The following LRRC1 variants were observed in gnomAD, a reference collection of about 807,000 sequenced individuals.
The protein encoded by LRRC1 is leucine rich repeat containing 1, also known as leucine-rich repeat-containing protein 1.
A neutral mutation model predicts 69.9 loss-of-function variants in LRRC1; 28 were observed. The observed-to-expected ratio is 0.40, with a 90% confidence interval of 0.30 to 0.55. The LOEUF (loss-of-function observed/expected upper bound fraction) is 0.55. Among genes scored for constraint, LRRC1 ranks in the 20% least tolerant of loss-of-function variants. The pLI is 0.47. For synonymous variants in LRRC1, 236 were observed against 240.2 expected (o/e 0.98, Z 0.16); for missense variants, 498 against 609.0 (o/e 0.82, Z 1.92).
chr6:53,899,582 G>C (rs1767980992), intron 7 of LRRC1, among the ~76,000 whole-genome samples, 165 bp from the exon 8 acceptor site: 2 of 151,980 alleles, frequency 1.3e-5, no homozygotes, highest in South Asian at 4.2e-4. Flanking sequence ...CACTTTCATT[G>C]GAAGGGGATC....
At position 53,795,181 on chromosome 6, in the gene LRRC1, G is replaced by A; in HGVS notation, c.-76G>A. 1.5e-6 allele frequency: 2 copies of A among 1,365,892 alleles called. No individual in the cohort carries two copies. Among genetic ancestry groups the A allele is most frequent in the Non-Finnish European group, 2.0e-6 (2 of 1,019,056 alleles). 84.6% of individuals were successfully genotyped at this position (1,365,892 alleles called of 1,614,324 possible). On this transcript the variant is annotated 5_prime_UTR_variant, in exon 1 of 14. Transcript: ENST00000370888. ...CGCGGAGAGGGCAGCGGACTGAGCG[G>A]AGCCGCCGGCCAGAGCGGGCTCGGA... is the stretch of plus-strand genomic sequence containing the variant.
intron 2 of LRRC1, among the ~76,000 whole-genome samples, chr6:53,864,081 C>G (rs1035828039): frequency 1.3e-5 from 2 of 152,098 alleles, no homozygotes; most frequent in Non-Finnish European, 2.9e-5. Flanking sequence ...CTGCCCTTGT[C>G]CTCTCAAAGA....
At chr6:53,856,217 T>G (rs1766304330) in intron 2 of LRRC1, among the ~76,000 whole-genome samples, 1 of 152,194 alleles carries the variant, frequency 6.6e-6, no homozygotes, top group Non-Finnish European at 1.5e-5. Context: ...CAGGAACGAA[T>G]TTTTAGAATG....
intron 4 of LRRC1, among the ~76,000 whole-genome samples, chr6:53,889,873 C>G (rs1419060779): frequency 6.6e-6 from 1 of 152,308 alleles, no homozygotes; most frequent in South Asian, 2.1e-4. Flanking sequence ...ACCTGGGAAA[C>G]CGACCCAGTT....
chr6:53,822,180 G>A (rs1765135877), intron 1 of LRRC1, among the ~76,000 whole-genome samples: 2 of 152,146 alleles, frequency 1.3e-5, no homozygotes, highest in Non-Finnish European at 2.9e-5. Flanking sequence ...GAAGAACATA[G>A]CAATCGAGGG....
chr6:53,907,380 T>A (rs892250447), intron 10 of LRRC1, among the ~76,000 whole-genome samples: 2 of 152,240 alleles, frequency 1.3e-5, no homozygotes, highest in Non-Finnish European at 2.9e-5. Context: ...GTATTGTGTG[T>A]TGCCAGTTTT....
chr6:53,922,522 A>T, intron 13 of LRRC1, 113 bp from the exon 14 acceptor site: 1 of 938,754 alleles, frequency 1.1e-6, no homozygotes, highest in Non-Finnish European at 1.6e-6. Context: ...CACCCATTTT[A>T]AGAATTTCTA....
chr6:53,878,475 C>T (rs917506718), intron 2 of LRRC1, among the ~76,000 whole-genome samples: 4 of 152,180 alleles, frequency 2.6e-5, no homozygotes, highest in African/African-American at 9.7e-5. Flanking sequence ...GATCATCAGG[C>T]ATTAGATTCT....
At chr6:53,802,881 G>C (rs1182556659) in intron 1 of LRRC1, among the ~76,000 whole-genome samples, 1 of 152,162 alleles carries the variant, frequency 6.6e-6, no homozygotes, top group African/African-American at 2.4e-5. Context: ...TTTTTAAAAA[G>C]TAGCTCAAGT....
At chr6:53,807,683 T>A (rs1158311038) in intron 1 of LRRC1, among the ~76,000 whole-genome samples, 1 of 151,864 alleles carries the variant, frequency 6.6e-6, no homozygotes, top group Admixed American at 6.6e-5. Context: ...AGATGGAGGT[T>A]GCAGTGAGCC....
chr6:53,831,289 G>A (rs1444528462), intron 1 of LRRC1, among the ~76,000 whole-genome samples: 6 of 152,064 alleles, frequency 3.9e-5, no homozygotes, highest in Admixed American at 3.9e-4. Context: ...AATGCAAAAA[G>A]CCAAGTTGCA....
intron 1 of LRRC1, among the ~76,000 whole-genome samples, chr6:53,829,079 G>A (rs897320695): frequency 6.6e-6 from 1 of 152,212 alleles, no homozygotes; most frequent in Non-Finnish European, 1.5e-5. Context: ...CACACAAACA[G>A]CCAGTAAACT....
rs558843199 is a variant in LRRC1 at position 53,891,978 on chromosome 6, T to G, written c.447-4520T>G. Among the ~76,000 whole-genome samples, 28 of 79,590 alleles carry G rather than the reference T, an allele frequency of 3.5e-4. 2 individuals carry two copies. The highest frequency in any genetic ancestry group is 1.3e-3 in the African/African-American group (28 of 22,386). 52.2% of individuals were successfully genotyped at this position (79,590 alleles called of 152,430 possible). ...CTGCACTCCAGCCTGGGTGACAGAG[T>G]AAGATTCTGTCTAAAAAAAAAATAT... On this transcript the variant is annotated intron_variant, in intron 4 of 13. Transcript: ENST00000370888.
chr6:53,812,558 C>T (rs1332910565), intron 1 of LRRC1, among the ~76,000 whole-genome samples: 4 of 151,782 alleles, frequency 2.6e-5, no homozygotes, highest in South Asian at 2.1e-4. Flanking sequence ...GGCGTGGTGG[C>T]GGGCGCCTGT....
At chr6:53,879,121 T>C (rs746649784) in intron 3 of LRRC1, 50 bp downstream of exon 3, 2 of 1,305,730 alleles carry the variant, frequency 1.5e-6, no homozygotes, top group South Asian at 2.4e-5. Flanking sequence ...GTATCTTTTT[T>C]GAGAGCCAAG....
chr6:53,858,887 T>C (rs1027599954), intron 2 of LRRC1, among the ~76,000 whole-genome samples: 2 of 152,238 alleles, frequency 1.3e-5, no homozygotes, highest in Non-Finnish European at 2.9e-5. Context: ...CATGGAATTA[T>C]AAGATGTAAT....
chr6:53,906,530 AG>A (rs1237167895), intron 10 of LRRC1, among the ~76,000 whole-genome samples: 1 of 152,226 alleles, frequency 6.6e-6, no homozygotes, highest in Non-Finnish European at 1.5e-5. Context: ...GTTCTAGACA[AG>A]AACCTTGGAA....
chr6:53,916,698 C>T (rs1275726417), intron 11 of LRRC1, among the ~76,000 whole-genome samples: 1 of 152,002 alleles, frequency 6.6e-6, no homozygotes, highest in Non-Finnish European at 1.5e-5. Flanking sequence ...GAAAACTTTG[C>T]TTAAAACTAA....
chr6:53,804,809 A>T (rs1764592153), intron 1 of LRRC1, among the ~76,000 whole-genome samples: 1 of 152,252 alleles, frequency 6.6e-6, no homozygotes, highest in Non-Finnish European at 1.5e-5. Context: ...ACTTTACAAA[A>T]TATTGCTAGA....
Sources: gnomAD v4.1 joint callset for allele counts (sites outside exome capture counted in the v4.1 genomes callset) on GRCh38, gnomAD v4.1.1 for gene constraint, MANE v1.5 for transcripts, NCBI Gene and HGNC (gene_info 2026-07-23, HGNC 2026-07-21) for gene names.